The following ZNF608 variants were observed in gnomAD, a reference collection of about 807,000 sequenced individuals.
The protein encoded by ZNF608 is renal carcinoma antigen NY-REN-36.
Under a neutral mutation model 109.0 loss-of-function variants are expected in ZNF608, and 12 were observed. The observed-to-expected ratio is 0.11, with a 90% CI of 0.07 to 0.18. The LOEUF (loss-of-function observed/expected upper bound fraction) is 0.18, where lower values mean the gene tolerates loss of function less well. Among genes scored for constraint, ZNF608 ranks in the 10% least tolerant of loss-of-function variants. The pLI is 1.00. For synonymous variants in ZNF608, 732 were observed against 717.4 expected (o/e 1.02, Z -0.33); for missense variants, 1,707 against 1,879.3 (o/e 0.91, Z 1.70).
intron 3 of ZNF608, among the ~76,000 whole-genome samples, chr5:124,679,759 A>T (rs1193808479): frequency 6.6e-6 from 1 of 152,218 alleles, no homozygotes; most frequent in Non-Finnish European, 1.5e-5. Context: ...GCTCTGGGGA[A>T]TACACCCTGC....
At chr5:124,665,396 TTAAAA>T (rs1751436863) in intron 3 of ZNF608, among the ~76,000 whole-genome samples, 1 of 152,184 alleles carries the variant, frequency 6.6e-6, no homozygotes, top group Admixed American at 6.5e-5. Flanking sequence ...ACATGAAATA[TTAAAA>T]TAAAGTACAA....
chr5:124,731,770 G>A (rs1305078488), intron 2 of ZNF608, among the ~76,000 whole-genome samples: 2 of 152,094 alleles, frequency 1.3e-5, no homozygotes, highest in Non-Finnish European at 2.9e-5. Flanking sequence ...AGGTTGCAGC[G>A]AGCCGAGATC....
At chr5:124,649,473 G>A (rs368286680) in intron 4 of ZNF608, 137 bp downstream of exon 4, 150 of 617,140 alleles carry the variant, frequency 2.4e-4, no homozygotes, top group African/African-American at 1.8e-3. Context: ...ATTTTACTGC[G>A]TTCAATCCTA....
chr5:124,642,743 C>T (rs866866580), intron 7 of ZNF608, among the ~76,000 whole-genome samples: 87 of 144,484 alleles, frequency 6.0e-4, no homozygotes, highest in African/African-American at 2.2e-3. Context: ...CTGTCGCCCA[C>T]GCTAGAGTGC....
At chr5:124,736,613 G>A (rs937738397) in intron 2 of ZNF608, among the ~76,000 whole-genome samples, 2 of 151,816 alleles carry the variant, frequency 1.3e-5, no homozygotes, top group Admixed American at 1.3e-4. Context: ...CCAGCATGGG[G>A]AAAATTTTCT....
intron 3 of ZNF608, among the ~76,000 whole-genome samples, chr5:124,683,630 T>A (rs1390327847): frequency 1.3e-5 from 2 of 152,192 alleles, no homozygotes; most frequent in African/African-American, 4.8e-5. Context: ...AAAGGTGAAA[T>A]ATGAAACTAC....
At position 124,647,361 on chromosome 5, in the gene ZNF608, T is replaced by C; in HGVS notation, c.3023A>G (p.Tyr1008Cys). The C allele has an allele frequency of 6.2e-7, 1 of 1,614,240 alleles. No individual in the cohort carries two copies. The highest frequency in any genetic ancestry group is 1.1e-5 in the South Asian group (1 of 91,090). The stretch of plus-strand genomic sequence containing the variant: ...GGCACCGACCTGCCCAGGGTGCATG[T>C]AACTTGGAGAATAATAAGGATCATA... ...HSYDPYYSPS[Y>C]MHPGQVGAPA... Residue 1008 changes from tyrosine to cysteine, a missense_variant, in exon 5 of 10, where the codon TAC becomes TGC. Transcript: ENST00000513986.
At chr5:124,651,465 T>C (rs1157424701) in intron 3 of ZNF608, among the ~76,000 whole-genome samples, 2 of 152,222 alleles carry the variant, frequency 1.3e-5, no homozygotes, top group Non-Finnish European at 2.9e-5. Flanking sequence ...TGCAGGAATA[T>C]ATCTGTACTG....
At chr5:124,674,541 A>T (rs1466931064) in intron 3 of ZNF608, among the ~76,000 whole-genome samples, 2 of 152,208 alleles carry the variant, frequency 1.3e-5, no homozygotes, top group African/African-American at 4.8e-5. Flanking sequence ...TATTAAATCA[A>T]TTAATTCAGA....
chr5:124,721,941 CAAAAAAAAAAAAAAAAAAAAA>C (rs199699487), intron 2 of ZNF608, among the ~76,000 whole-genome samples: 2 of 20,800 alleles, frequency 9.6e-5, no homozygotes. Context: ...GACTCTGTCT[CAAAAAAAAAAAAAAAAAAAAA>C]AAAAAAAAAA....
At position 124,641,316 on chromosome 5, in the gene ZNF608, C is replaced by T. The variant is rs745699218; in HGVS notation, c.4386G>A (p.Thr1462=). Residue 1462 remains threonine, a synonymous_variant, in exon 8 of 10, where the codon ACG becomes ACA. Coordinates refer to ENST00000513986, the MANE Select transcript of ZNF608 (RefSeq NM_020747.3). ...CCATGCCAACGTGGGTGTGGTGGTG[C>T]GTGTGCAGGTGCCGCTGGCCGAAGG... is the stretch of plus-strand genomic sequence containing the variant. ...HSPFGQRHLH[T]HHHTHVGMGY... The T allele has an allele frequency of 1.1e-5, 17 of 1,613,796 alleles. No individual in the cohort carries two copies. The highest frequency in any genetic ancestry group is 8.8e-5 in the South Asian group (8 of 91,080).
rs749937017 is a variant in ZNF608, at chr5:124,744,563, G to T, written c.427C>A (p.Pro143Thr). The change falls in exon 2 of 10, where the codon CCT (proline) becomes ACT (threonine). Residue 143 changes from proline to threonine, a missense_variant. Physicochemically the swap from Pro to Thr is conservative, Grantham distance 38. Around this residue, in one of 7 missense-constraint regions of ZNF608, gnomAD observed 407 missense variants for 398.7 expected, o/e 1.02. Coordinates refer to ENST00000513986, the MANE Select transcript of ZNF608 (RefSeq NM_020747.3). The surrounding 1 kb of genome is among the most constrained non-coding windows in gnomAD (Gnocchi z 4.5). ...TGKRQEVQGRPGEATGMNSAL... is the reference protein window; with the variant it reads ...TGKRQEVQGRTGEATGMNSAL... ...GAATTCATGCCAGTTGCCTCTCCAG[G>T]GCGCCCTTGGACTTCCTGCCTCTTG... 1 of 1,614,186 alleles carries T rather than the reference G, an allele frequency of 6.2e-7. No individual in the cohort carries two copies. The highest frequency in any genetic ancestry group is 8.5e-7 in the Non-Finnish European group (1 of 1,180,032).
intron 3 of ZNF608, among the ~76,000 whole-genome samples, chr5:124,676,119 T>C (rs1038351505): frequency 1.3e-5 from 2 of 152,172 alleles, no homozygotes; most frequent in African/African-American, 4.8e-5. Context: ...TACATATTTA[T>C]TGAGAACTTA....
chr5:124,714,661 T>C (rs1388747566), intron 2 of ZNF608, among the ~76,000 whole-genome samples: 1 of 152,228 alleles, frequency 6.6e-6, no homozygotes, highest in Non-Finnish European at 1.5e-5. Flanking sequence ...CAAGAGATCC[T>C]ACATAAAGCC....
chr5:124,704,307 G>A (rs1444962585), intron 2 of ZNF608, among the ~76,000 whole-genome samples: 10 of 152,070 alleles, frequency 6.6e-5, no homozygotes, highest in Non-Finnish European at 1.5e-4. Context: ...CTGTAGTATC[G>A]GCTTCTCATG....
chr5:124,711,256 A>C lies in ZNF608; in HGVS notation c.907-9987T>G, dbSNP rs1345367562. Among the ~76,000 whole-genome samples the C allele has an allele frequency of 2.0e-5, 3 of 152,266 alleles. No individual in the cohort carries two copies. The East Asian group carries it at 5.8e-4, about 29-fold the overall frequency. ...ACTCTCCAGAGAGAACCTCTCTTCT[A>C]ACAGTTTCTTGTGTGTTCTTTCAGA... On this transcript the variant is annotated intron_variant, in intron 2 of 9. Coordinates refer to ENST00000513986, the MANE Select transcript of ZNF608 (RefSeq NM_020747.3).
chr5:124,734,671 A>G (rs2149896264), intron 2 of ZNF608: 1 of 152,304 alleles, frequency 6.6e-6, no homozygotes, highest in East Asian at 1.9e-4. Flanking sequence ...ATTTAATGCT[A>G]CCCTTAGATT....
chr5:124,656,349 A>C (rs1751003815), intron 3 of ZNF608, among the ~76,000 whole-genome samples: 1 of 152,202 alleles, frequency 6.6e-6, no homozygotes, highest in Admixed American at 6.5e-5. Flanking sequence ...TGAAGGGCTA[A>C]AAATTGCTGG....
chr5:124,648,600 A>G lies in ZNF608; in HGVS notation c.1784T>C (p.Ile595Thr), dbSNP rs749169004. The G allele has an allele frequency of 1.2e-6, 2 of 1,614,158 alleles. No individual in the cohort carries two copies. Among genetic ancestry groups the G allele is most frequent in the South Asian group, 2.2e-5 (2 of 91,080 alleles). The change falls in exon 5 of 10, where the codon ATC (isoleucine) becomes ACC (threonine). Residue 595 changes from isoleucine to threonine, a missense_variant. By Grantham distance (89) the Ile-to-Thr change is moderately conservative. Coordinates refer to ENST00000513986, the MANE Select transcript of ZNF608 (RefSeq NM_020747.3). ...LEFEPDSEDK[I>T]SDCEEGLSNV... The stretch of plus-strand genomic sequence containing the variant: ...ACTCAATCCTTCCTCACAGTCCGAG[A>G]TCTTGTCCTCACTGTCAGGCTCGAA...
Sources: allele counts gnomAD v4.1 joint callset (sites outside exome capture counted in the v4.1 genomes callset), GRCh38; gene constraint gnomAD v4.1.1; regional missense constraint gnomAD v4.1.1; non-coding constraint Gnocchi (gnomAD v3.1); transcripts MANE v1.5; gene names NCBI Gene and HGNC (gene_info 2026-07-23, HGNC 2026-07-21).